Variants in DLGAP1 observed in about 807,000 individuals in gnomAD.
DLGAP1 encodes the protein disks large-associated protein 1.
A neutral mutation model predicts 90.8 loss-of-function variants in DLGAP1; 11 were observed. The observed-to-expected ratio is 0.12, with a 90% CI of 0.08 to 0.20. The LOEUF is 0.20. Ranked by LOEUF, DLGAP1 falls within the 10% of genes least tolerant of loss-of-function variation. The probability of loss-of-function intolerance (pLI) is 1.00; values close to 1 mark genes in which losing one functional copy is unlikely to be tolerated. For missense variants in DLGAP1, 1,050 were observed against 1,333.8 expected (o/e 0.79, Z 3.31); for synonymous variants, 558 against 540.7 (o/e 1.03, Z -0.44).
intron 1 of DLGAP1, among the ~76,000 whole-genome samples, chr18:4,282,256 C>T (rs887018198): frequency 5.3e-5 from 8 of 150,670 alleles, no homozygotes; most frequent in Non-Finnish European, 1.2e-4. Context: ...CTCAGCTACT[C>T]GGGAGACTGA....
intron 7 of DLGAP1, among the ~76,000 whole-genome samples, chr18:3,628,085 A>G (rs1280765865): frequency 1.3e-5 from 2 of 151,796 alleles, no homozygotes; most frequent in Non-Finnish European, 2.9e-5. Flanking sequence ...TATGTTGGCC[A>G]GGCTGGTCTC....
chr18:3,722,994 C>G (rs1289529856), intron 7 of DLGAP1, among the ~76,000 whole-genome samples: 2 of 152,162 alleles, frequency 1.3e-5, no homozygotes, highest in Non-Finnish European at 2.9e-5. Context: ...CTGACTTTGC[C>G]TCCTGTTGGA....
At chr18:4,037,545 T>C (rs917897742) in intron 2 of DLGAP1, among the ~76,000 whole-genome samples, 1 of 152,252 alleles carries the variant, frequency 6.6e-6, no homozygotes, top group African/African-American at 2.4e-5. Context: ...GCCCTTCTCT[T>C]ACTTTCCCTT....
chr18:4,027,602 G>C (rs2074725256), intron 2 of DLGAP1, among the ~76,000 whole-genome samples: 1 of 151,512 alleles, frequency 6.6e-6, no homozygotes, highest in Non-Finnish European at 1.5e-5. Context: ...CCAGAGTCTG[G>C]GGCATGGTCA....
In DLGAP1 at chr18:3,618,038, A is replaced by AAAAG. The variant is rs571584047; in HGVS notation, c.1592-35794_1592-35791dup. The stretch of plus-strand genomic sequence containing the variant: ...GGTGACAAAAGTGAAACTCCATCTC[A>AAAAG]AAAGAAAGAAAGAAAGAAAGAAAAG... On this transcript the variant is annotated intron_variant, in intron 7 of 12. Transcript: ENST00000315677. 2.3e-3 allele frequency among the ~76,000 whole-genome samples: 354 copies of AAAAG among 152,250 alleles called. 2 individuals are homozygous for AAAAG. Among genetic ancestry groups the AAAAG allele is most frequent in the African/African-American group, 6.8e-3 (284 of 41,552 alleles).
rs150577820 is a variant in DLGAP1, at chr18:4,190,656, A to G, written c.-266-39369T>C. Among the ~76,000 whole-genome samples the G allele has an allele frequency of 2.7e-3, 410 of 152,250 alleles. 4 individuals are homozygous for G. Among genetic ancestry groups the G allele is most frequent in the African/African-American group, 9.3e-3 (385 of 41,550 alleles). ...TATATGGGAACTTTGTACTTTCTATACAACTTTTCTGTAAATCTAAAACTT... is the reference window on the plus strand; with the variant it reads ...TATATGGGAACTTTGTACTTTCTATGCAACTTTTCTGTAAATCTAAAACTT... On this transcript the variant is annotated intron_variant, in intron 1 of 12. Transcript: ENST00000315677.
At chr18:4,408,419 G>GT (rs1426304634) in intron 1 of DLGAP1, among the ~76,000 whole-genome samples, 1 of 151,944 alleles carries the variant, frequency 6.6e-6, no homozygotes, top group Non-Finnish European at 1.5e-5. Flanking sequence ...GATTGAAAAG[G>GT]TTTTTTTATA....
intron 5 of DLGAP1, among the ~76,000 whole-genome samples, chr18:3,749,340 G>A (rs1332218891): frequency 1.3e-5 from 2 of 151,492 alleles, no homozygotes; most frequent in Non-Finnish European, 2.9e-5. Flanking sequence ...CTAGTAGAGA[G>A]GGGGGTTTCA....
intron 7 of DLGAP1, among the ~76,000 whole-genome samples, chr18:3,588,447 G>A (rs1479368230): frequency 2.1e-5 from 3 of 143,176 alleles, no homozygotes; most frequent in Non-Finnish European, 3.0e-5. Context: ...CAATAAGAAT[G>A]AAACTCCGTC....
chr18:4,011,369 G>T (rs2074417741), intron 2 of DLGAP1, among the ~76,000 whole-genome samples: 1 of 152,048 alleles, frequency 6.6e-6, no homozygotes, highest in Non-Finnish European at 1.5e-5. Flanking sequence ...AAGACTTGAT[G>T]TAGGTAAAAG....
chr18:3,600,707 G>GAGATCTATAGATATCTATAGATAT (rs1268136656), intron 7 of DLGAP1, among the ~76,000 whole-genome samples: 1 of 101,978 alleles, frequency 9.8e-6, no homozygotes, highest in Non-Finnish European at 1.9e-5. Flanking sequence ...GATATCTATA[G>GAGATCTATAGATATCTATAGATAT]CTATATAGAT....
At chr18:3,874,277 G>T (rs970199221) in intron 4 of DLGAP1, 23 of 1,549,160 alleles carry the variant, frequency 1.5e-5, no homozygotes, top group Middle Eastern at 1.7e-4. Flanking sequence ...TTCTCGGTCT[G>T]TCTTGCTCTC....
chr18:3,719,757 G>T (rs1186295868), intron 7 of DLGAP1, among the ~76,000 whole-genome samples: 1 of 152,024 alleles, frequency 6.6e-6, no homozygotes, highest in Non-Finnish European at 1.5e-5. Flanking sequence ...AAAGACAATT[G>T]AAAGAAGTTT....
intron 4 of DLGAP1, among the ~76,000 whole-genome samples, chr18:3,833,597 A>T (rs1406442536): frequency 6.6e-6 from 1 of 152,192 alleles, no homozygotes; most frequent in Admixed American, 6.5e-5. Context: ...AAACAAACAA[A>T]AAGATAATTA....
chr18:4,226,663 T>G (rs532136567), intron 1 of DLGAP1, among the ~76,000 whole-genome samples: 2 of 138,656 alleles, frequency 1.4e-5, no homozygotes, highest in South Asian at 4.9e-4. Context: ...AGATATTATT[T>G]GCAAGACTCA....
At chr18:3,944,581 A>G (rs2072839579) in intron 3 of DLGAP1, among the ~76,000 whole-genome samples, 1 of 152,230 alleles carries the variant, frequency 6.6e-6, no homozygotes, top group African/African-American at 2.4e-5. Context: ...GCCTCAGCCA[A>G]CTTTCTGCTT....
At chr18:3,663,766 A>G (rs1005492487) in intron 7 of DLGAP1, among the ~76,000 whole-genome samples, 4 of 152,232 alleles carry the variant, frequency 2.6e-5, no homozygotes, top group Non-Finnish European at 5.9e-5. Context: ...TCTCAAGACC[A>G]GCCCAACTGT....
intron 2 of DLGAP1, among the ~76,000 whole-genome samples, chr18:4,027,503 CAAAAAAAAAAAAAAA>C (rs59592467): frequency 1.8e-5 from 1 of 55,580 alleles, no homozygotes; most frequent in African/African-American, 6.8e-5. Context: ...GACTCCGTCT[CAAAAAAAAAAAAAAA>C]AAAAAAAAAA....
intron 3 of DLGAP1, among the ~76,000 whole-genome samples, chr18:3,905,447 G>C (rs187879487): frequency 2.0e-5 from 3 of 149,622 alleles, no homozygotes; most frequent in African/African-American, 7.3e-5. Flanking sequence ...AAAGAGAATT[G>C]GGAAGTCACC....
Sources: allele counts gnomAD v4.1 joint callset (sites outside exome capture counted in the v4.1 genomes callset), GRCh38; gene constraint gnomAD v4.1.1; transcripts MANE v1.5; gene names NCBI Gene and HGNC (gene_info 2026-07-23, HGNC 2026-07-21).